Variants in ATP6V1H observed in about 807,000 individuals in gnomAD.
ATP6V1H encodes the protein V-type proton ATPase subunit H.
Under a neutral mutation model 71.7 loss-of-function variants are expected in ATP6V1H, and 39 were observed. The ratio of observed to expected loss-of-function variants is 0.54; its 90% CI spans 0.42 to 0.71. The LOEUF is 0.71. Ranked by LOEUF, ATP6V1H falls within the 30% of genes least tolerant of loss-of-function variation. The pLI is 0.00. For missense variants in ATP6V1H, 509 were observed against 594.9 expected (o/e 0.86, Z 1.50); for synonymous variants, 192 against 199.3 (o/e 0.96, Z 0.31).
intron 3 of ATP6V1H, chr8:53,832,723 T>A (rs1159171228): frequency 1.1e-5 from 3 of 275,650 alleles, no homozygotes; most frequent in African/African-American, 6.6e-5. Flanking sequence ...GTGGAAAAAA[T>A]TCTCTTAAAA....
At chr8:53,799,015 A>C (rs1257256444) in intron 8 of ATP6V1H, among the ~76,000 whole-genome samples, 1 of 152,182 alleles carries the variant, frequency 6.6e-6, no homozygotes, top group African/African-American at 2.4e-5. Context: ...TTTATTTTAT[A>C]AGCAATTATA....
intron 4 of ATP6V1H, among the ~76,000 whole-genome samples, chr8:53,821,816 T>C (rs144064610): frequency 4.6e-5 from 7 of 152,082 alleles, no homozygotes; most frequent in East Asian, 1.9e-4. Context: ...AACCAAAAGA[T>C]GCAAATCAAA....
At chr8:53,822,977 T>C (rs1342465026) in intron 4 of ATP6V1H, among the ~76,000 whole-genome samples, 3 of 152,020 alleles carry the variant, frequency 2.0e-5, no homozygotes, top group Non-Finnish European at 1.5e-5. Context: ...GCATCCACCT[T>C]TATAAAGTGA....
intron 13 of ATP6V1H, among the ~76,000 whole-genome samples, chr8:53,735,847 T>A (rs142118271): frequency 6.6e-6 from 1 of 152,214 alleles, no homozygotes; most frequent in Non-Finnish European, 1.5e-5. Flanking sequence ...CTCCCACTGC[T>A]GCTAAAGTTG....
intron 12 of ATP6V1H, among the ~76,000 whole-genome samples, chr8:53,754,479 C>A (rs546585408): frequency 2.2e-4 from 34 of 152,188 alleles, no homozygotes; most frequent in Non-Finnish European, 4.4e-4. Context: ...CCACCCATGT[C>A]CCCCAGGGCC....
chr8:53,841,586 G>A lies in ATP6V1H; in HGVS notation c.105C>T (p.Ser35=). The A allele has an allele frequency of 6.2e-7, 1 of 1,614,052 alleles. No homozygotes were observed. The highest frequency in any genetic ancestry group is 2.2e-5 in the East Asian group (1 of 44,886). Reference sequence around the variant, plus strand: ...AGCAAATTGGTACTTACTGAAGATAGGATTGCCAGTTGACTTTGTTTGCAC... The same window carrying A: ...AGCAAATTGGTACTTACTGAAGATAAGATTGCCAGTTGACTTTGTTTGCAC... The part of the protein sequence containing the change: ...EVRANKVNWQ[S]YLQGQMISAE... Residue 35 remains serine, a synonymous_variant, in exon 2 of 14, where the codon TCC becomes TCT. Transcript: ENST00000359530.
At chr8:53,755,206 C>A (rs955219702) in intron 12 of ATP6V1H, among the ~76,000 whole-genome samples, 1 of 152,116 alleles carries the variant, frequency 6.6e-6, no homozygotes, top group African/African-American at 2.4e-5. Context: ...ATTGATGTCC[C>A]TACCTCCCCT....
At chr8:53,816,518 C>G (rs1810455837) in intron 5 of ATP6V1H, among the ~76,000 whole-genome samples, 1 of 152,244 alleles carries the variant, frequency 6.6e-6, no homozygotes, top group South Asian at 2.1e-4. Context: ...GGAGTGTAGG[C>G]CGGGTGCAGT....
chr8:53,824,231 T>C (rs898905877), intron 4 of ATP6V1H, among the ~76,000 whole-genome samples: 1 of 152,136 alleles, frequency 6.6e-6, no homozygotes, highest in African/African-American at 2.4e-5. Flanking sequence ...GAGAAAGCTA[T>C]CAAATAATTA....
At chr8:53,761,567 T>A (rs1808275932) in intron 11 of ATP6V1H, among the ~76,000 whole-genome samples, 1 of 152,196 alleles carries the variant, frequency 6.6e-6, no homozygotes, top group South Asian at 2.1e-4. Flanking sequence ...ATATTCAAGT[T>A]TTCTAAACAC....
At chr8:53,806,878 T>G (rs1420206482) in intron 7 of ATP6V1H, 1 of 454,788 alleles carries the variant, frequency 2.2e-6, no homozygotes, top group East Asian at 7.0e-5. Context: ...AAAATCATAA[T>G]GGTCATATGG....
At chr8:53,784,445 T>G (rs1279072375) in intron 9 of ATP6V1H, among the ~76,000 whole-genome samples, 1 of 152,148 alleles carries the variant, frequency 6.6e-6, no homozygotes, top group Non-Finnish European at 1.5e-5. Flanking sequence ...GCACGTGAGA[T>G]GGGTTTCCTG....
intron 2 of ATP6V1H, among the ~76,000 whole-genome samples, chr8:53,835,792 T>C (rs1242934413): frequency 2.0e-5 from 3 of 152,206 alleles, no homozygotes. Flanking sequence ...TGACTACATC[T>C]TGACACTCTC....
chr8:53,721,031 G>A lies in ATP6V1H; in HGVS notation c.1392-5007C>T, dbSNP rs183756081. ...GTTGTGGAAAACAAGCTGGTATAATGTAAATCATTAACAAACTATTCTTTT... is the reference window on the plus strand; with the variant it reads ...GTTGTGGAAAACAAGCTGGTATAATATAAATCATTAACAAACTATTCTTTT... On this transcript the variant is annotated intron_variant, in intron 13 of 13. Coordinates refer to ENST00000359530, the MANE Select transcript of ATP6V1H (RefSeq NM_015941.4). Among the ~76,000 whole-genome samples, 345 of 152,290 alleles carry A rather than the reference G, an allele frequency of 2.3e-3. 2 individuals are homozygous for A. The highest frequency in any genetic ancestry group is 8.1e-3 in the African/African-American group (335 of 41,574).
intron 2 of ATP6V1H, among the ~76,000 whole-genome samples, chr8:53,837,598 T>C (rs1212357999): frequency 6.6e-6 from 1 of 152,006 alleles, no homozygotes; most frequent in African/African-American, 2.4e-5. Context: ...GTGGAACTTC[T>C]GGAGAGACAG....
intron 13 of ATP6V1H, among the ~76,000 whole-genome samples, chr8:53,723,275 C>T (rs751003374): frequency 2.0e-5 from 3 of 152,184 alleles, no homozygotes; most frequent in Non-Finnish European, 2.9e-5. Context: ...TTCTCCTCCA[C>T]ATCCAACTGG....
chr8:53,805,451 G>C (rs1182572205), intron 7 of ATP6V1H, among the ~76,000 whole-genome samples: 1 of 152,130 alleles, frequency 6.6e-6, no homozygotes, highest in African/African-American at 2.4e-5. Context: ...AAACTAAAAG[G>C]TGATTGTATA....
chr8:53,825,568 C>T (rs1044344238), intron 4 of ATP6V1H, among the ~76,000 whole-genome samples: 1 of 151,688 alleles, frequency 6.6e-6, no homozygotes. Flanking sequence ...CACAGGCATT[C>T]CAGAAGCAAA....
At chr8:53,755,834 T>G (rs1218312392) in intron 12 of ATP6V1H, among the ~76,000 whole-genome samples, 1 of 103,560 alleles carries the variant, frequency 9.7e-6, no homozygotes, top group African/African-American at 3.8e-5. Context: ...CTCGGCTCAC[T>G]GCAAGCTCCG....
Sources: gnomAD v4.1 joint callset for allele counts (sites outside exome capture counted in the v4.1 genomes callset) on GRCh38, gnomAD v4.1.1 for gene constraint, MANE v1.5 for transcripts, NCBI Gene and HGNC (gene_info 2026-07-23, HGNC 2026-07-21) for gene names.